PDHX: variants seen among roughly 807,000 people sequenced by gnomAD.
PDHX encodes pyruvate dehydrogenase complex component X.
Under a neutral mutation model 55.3 loss-of-function variants are expected in PDHX, and 33 were observed. The observed-to-expected ratio is 0.60, with a 90% CI of 0.45 to 0.80. The LOEUF (loss-of-function observed/expected upper bound fraction) is 0.80, where lower values mean the gene tolerates loss of function less well. PDHX is among the 30% of genes least tolerant of loss of function. The pLI, the probability that PDHX is intolerant of heterozygous loss-of-function variation, is 0.00. For missense variants in PDHX, 622 were observed against 619.9 expected (o/e 1.00, Z -0.04); for synonymous variants, 226 against 219.4 (o/e 1.03, Z -0.27).
intron 3 of PDHX, among the ~76,000 whole-genome samples, chr11:34,952,427 T>G (rs1292109463): frequency 6.6e-6 from 1 of 152,154 alleles, no homozygotes; most frequent in Non-Finnish European, 1.5e-5. Flanking sequence ...TGAACATTGA[T>G]GCAAAAATCC....
intron 2 of PDHX, chr11:34,941,855 G>T: frequency 6.5e-6 from 1 of 154,742 alleles, no homozygotes; most frequent in South Asian, 2.0e-4. Flanking sequence ...CGGTGCTGGG[G>T]AGCGGCCCCC....
intron 5 of PDHX, among the ~76,000 whole-genome samples, chr11:34,965,557 A>G (rs75155973): frequency 0.017 from 2,638 of 152,226 alleles, 70 homozygotes; most frequent in African/African-American, 0.061. Flanking sequence ...TTGTCACATA[A>G]TAGGACCTAA....
At chr11:34,940,729 C>G (rs893100654) in intron 2 of PDHX, among the ~76,000 whole-genome samples, 6 of 152,170 alleles carry the variant, frequency 3.9e-5, no homozygotes, top group Non-Finnish European at 7.4e-5. Context: ...CCTCCCATCT[C>G]TATCCCTAGA....
At chr11:34,957,632 C>T (rs1456027677) in intron 4 of PDHX, 49 bp downstream of exon 4, 1 of 1,399,650 alleles carries the variant, frequency 7.1e-7, no homozygotes, top group Non-Finnish European at 1.0e-6. Context: ...AAAGTTATGG[C>T]AGTTCTTATG....
At chr11:34,938,982 G>A (rs1306806203) in intron 2 of PDHX, among the ~76,000 whole-genome samples, 1 of 152,196 alleles carries the variant, frequency 6.6e-6, no homozygotes, top group African/African-American at 2.4e-5. Flanking sequence ...TTGGTTCTTA[G>A]TGGTTCACTG....
At chr11:34,955,561 T>G (rs1001879903) in intron 3 of PDHX, among the ~76,000 whole-genome samples, 4 of 152,156 alleles carry the variant, frequency 2.6e-5, no homozygotes, top group Non-Finnish European at 4.4e-5. Flanking sequence ...GTCACTTTTT[T>G]AAATAGAAAA....
chr11:34,916,282 C>T, upstream of PDHX: 3 of 1,612,410 alleles, frequency 1.9e-6, no homozygotes, highest in Middle Eastern at 1.7e-4. Context: ...CACAGCCAGA[C>T]ATGGCCCAGA....
chr11:34,950,370 TTTATTA>T (rs768914746), intron 3 of PDHX, among the ~76,000 whole-genome samples: 8 of 149,686 alleles, frequency 5.3e-5, no homozygotes, highest in East Asian at 1.9e-4. Flanking sequence ...ATTTATTTAT[TTTATTA>T]TTATTATTAT....
chr11:34,982,235 C>T (rs1220125743), intron 8 of PDHX, among the ~76,000 whole-genome samples: 1 of 152,112 alleles, frequency 6.6e-6, no homozygotes, highest in Non-Finnish European at 1.5e-5. Flanking sequence ...GCCAGTTTTC[C>T]CAGCACCATT....
intron 1 of PDHX, among the ~76,000 whole-genome samples, chr11:34,926,442 A>G (rs1036972060): frequency 6.6e-6 from 1 of 152,124 alleles, no homozygotes; most frequent in African/African-American, 2.4e-5. Context: ...GTACTGGATA[A>G]TTTACTTTTT....
At chr11:34,927,667 A>G (rs1355398404) in intron 1 of PDHX, among the ~76,000 whole-genome samples, 2 of 152,140 alleles carry the variant, frequency 1.3e-5, no homozygotes, top group African/African-American at 4.8e-5. Context: ...CTAGAATGAA[A>G]TATGTACTTT....
chr11:34,983,129 C>G (rs1047310903), intron 8 of PDHX, among the ~76,000 whole-genome samples: 2 of 152,136 alleles, frequency 1.3e-5, no homozygotes, highest in Non-Finnish European at 2.9e-5. Flanking sequence ...ATACGAAAAT[C>G]AATAAACTTA....
intron 1 of PDHX, among the ~76,000 whole-genome samples, chr11:34,924,764 T>C (rs1412365516): frequency 6.6e-6 from 1 of 152,180 alleles, no homozygotes; most frequent in Admixed American, 6.5e-5. Flanking sequence ...TAAATAGTAC[T>C]GAAAGGCTTG....
chr11:34,958,168 T>C (rs965845194), intron 4 of PDHX, among the ~76,000 whole-genome samples: 3 of 152,206 alleles, frequency 2.0e-5, no homozygotes, highest in Non-Finnish European at 4.4e-5. Flanking sequence ...TATTTAGTAT[T>C]CTATATAATT....
chr11:34,939,468 G>GGTGTGTGTGTGT (rs68165754), intron 2 of PDHX, among the ~76,000 whole-genome samples: 40 of 149,084 alleles, frequency 2.7e-4, no homozygotes, highest in Admixed American at 2.7e-3. Flanking sequence ...TTTTACTAAT[G>GGTGTGTGTGTGT]GTGTGTGTGT....
chr11:34,995,241 T>C lies in PDHX; in HGVS notation c.*69T>C. On this transcript the variant is annotated 3_prime_UTR_variant, in exon 11 of 11. Coordinates refer to ENST00000227868, the MANE Select transcript of PDHX (RefSeq NM_003477.3). ...AGTTGTTACCAAGAAACATATGTTA[T>C]AGGAAAACAACTTGGTATTTAAGTA... 5.3e-6 allele frequency: 8 copies of C among 1,517,856 alleles called. No homozygotes were observed. The highest frequency in any genetic ancestry group is 2.1e-4 in the Middle Eastern group (1 of 4,840). The allele number at this position is 1,517,856 out of a possible 1,614,324, so 94.0% of individuals were successfully genotyped here. A position where few individuals can be genotyped will look rare whatever the true frequency, so the allele number is the denominator to read the frequency against.
chr11:34,924,449 G>A (rs1357776197), intron 1 of PDHX, among the ~76,000 whole-genome samples: 6 of 152,032 alleles, frequency 3.9e-5, no homozygotes, highest in Non-Finnish European at 8.8e-5. Context: ...TTGAACTTCT[G>A]ACCTAATGTG....
chr11:34,951,708 C>T (rs888631263), intron 3 of PDHX, among the ~76,000 whole-genome samples: 3 of 152,078 alleles, frequency 2.0e-5, no homozygotes, highest in African/African-American at 4.8e-5. Context: ...TAATTAGATC[C>T]CATTTGTCAA....
chr11:34,940,332 T>TAA (rs577777931), intron 2 of PDHX, among the ~76,000 whole-genome samples: 18 of 152,242 alleles, frequency 1.2e-4, no homozygotes, highest in Non-Finnish European at 2.4e-4. Context: ...AATATACTGT[T>TAA]ACTGTATAAA....
Sources: allele counts gnomAD v4.1 joint callset (sites outside exome capture counted in the v4.1 genomes callset), GRCh38; gene constraint gnomAD v4.1.1; transcripts MANE v1.5; gene names NCBI Gene and HGNC (gene_info 2026-07-23, HGNC 2026-07-21).